Variants in PTPRR observed in about 807,000 individuals in gnomAD.
PTPRR encodes the protein protein tyrosine phosphatase receptor type R.
PTPRR carries 38 observed loss-of-function variants against 77.2 expected under a neutral mutation model. The observed-to-expected ratio is 0.49, with a 90% CI of 0.38 to 0.65. The LOEUF (loss-of-function observed/expected upper bound fraction) is 0.65. Ranked by LOEUF, PTPRR falls within the 30% of genes least tolerant of loss-of-function variation. The probability of loss-of-function intolerance (pLI) is 0.00; values close to 1 mark genes in which losing one functional copy is unlikely to be tolerated. For synonymous variants in PTPRR, 299 were observed against 283.1 expected, an observed-to-expected ratio of 1.06 and a Z score of -0.57; for missense variants, 744 against 799.2, an observed-to-expected ratio of 0.93 and a Z score of 0.83.
In PTPRR at chr12:70,785,963, C is replaced by T. The variant is rs560625623; in HGVS notation, c.358-21185G>A. Among the ~76,000 whole-genome samples, 85 of 152,236 alleles carry T rather than the reference C, an allele frequency of 5.6e-4. 1 individual carries two copies. Among genetic ancestry groups the T allele is most frequent in the African/African-American group, 2.0e-3 (82 of 41,536 alleles). On this transcript the variant is annotated intron_variant, in intron 2 of 13. Coordinates refer to ENST00000283228, the MANE Select transcript of PTPRR (RefSeq NM_002849.4). The stretch of plus-strand genomic sequence containing the variant: ...TGGGATGTTATTTTTCCCAGTTATT[C>T]TTGTTCCTTGTTCTCTTTCAGCCTC...
At position 70,660,840 on chromosome 12, in the gene PTPRR, A is replaced by T. The variant is rs556364394; in HGVS notation, c.1766+100T>A. 166 of 1,195,414 alleles carry T rather than the reference A, an allele frequency of 1.4e-4. No homozygotes were observed. The African/African-American group carries it at 2.2e-3, about 16-fold the overall frequency. 74.1% of individuals were successfully genotyped at this position (1,195,414 alleles called of 1,614,324 possible). A position where few individuals can be genotyped will look rare whatever the true frequency, so the allele number is the denominator to read the frequency against. On this transcript the variant is annotated intron_variant, in intron 12 of 13. Transcript: ENST00000283228. ...AATTTCAATAAATATTTAATTTGCC[A>T]ACAAAGTCACATCCAGGAAGCAAAA...
At chr12:70,874,621 C>T (rs912985226) in intron 2 of PTPRR, among the ~76,000 whole-genome samples, 4 of 152,104 alleles carry the variant, frequency 2.6e-5, no homozygotes, top group African/African-American at 4.8e-5. Flanking sequence ...TTACATATAA[C>T]TTTTGTTAAA....
intron 8 of PTPRR, among the ~76,000 whole-genome samples, chr12:70,687,518 T>A (rs2136744874): frequency 6.6e-6 from 1 of 152,150 alleles, no homozygotes; most frequent in African/African-American, 2.4e-5. Flanking sequence ...TCATGCCATA[T>A]GGAAGCAATG....
intron 2 of PTPRR, among the ~76,000 whole-genome samples, chr12:70,812,644 C>G (rs1891829960): frequency 6.6e-6 from 1 of 152,168 alleles, no homozygotes; most frequent in South Asian, 2.1e-4. Flanking sequence ...TTTCTTTTCC[C>G]TTGGCAATCT....
At chr12:70,704,755 TA>T (rs564570703) in intron 6 of PTPRR, among the ~76,000 whole-genome samples, 261 of 151,920 alleles carry the variant, frequency 1.7e-3, no homozygotes, top group African/African-American at 6.0e-3. Context: ...TTAAGACGTA[TA>T]AAAAAATTGA....
At chr12:70,763,003 A>G (rs1296474528) in intron 3 of PTPRR, among the ~76,000 whole-genome samples, 1 of 152,088 alleles carries the variant, frequency 6.6e-6, no homozygotes, top group Non-Finnish European at 1.5e-5. Flanking sequence ...GTATAAAAGT[A>G]TATCTAAGAT....
intron 13 of PTPRR, among the ~76,000 whole-genome samples, chr12:70,641,379 A>G (rs1256904486): frequency 1.3e-5 from 2 of 151,830 alleles, no homozygotes; most frequent in East Asian, 3.8e-4. Flanking sequence ...TCTGGTCAGC[A>G]CTGGTATTTA....
chr12:70,920,229 T>C, intron 1 of PTPRR, 104 bp downstream of exon 1: 1 of 1,297,978 alleles, frequency 7.7e-7, no homozygotes, highest in Non-Finnish European at 1.1e-6. Flanking sequence ...TTTTACCTTT[T>C]TAGAAAGGCT....
chr12:70,783,122 G>T (rs1592754749), intron 2 of PTPRR, among the ~76,000 whole-genome samples: 2 of 152,248 alleles, frequency 1.3e-5, no homozygotes, highest in Admixed American at 1.3e-4. Flanking sequence ...CTGAGTTCTT[G>T]TCCTGCATTC....
At chr12:70,766,498 G>T (rs1308610429) in intron 2 of PTPRR, among the ~76,000 whole-genome samples, 2 of 152,116 alleles carry the variant, frequency 1.3e-5, no homozygotes, top group African/African-American at 4.8e-5. Context: ...AAGCCTCCAA[G>T]AAATATGGGA....
chr12:70,781,482 G>A (rs982487674), intron 2 of PTPRR, among the ~76,000 whole-genome samples: 2 of 152,208 alleles, frequency 1.3e-5, no homozygotes, highest in Admixed American at 6.5e-5. Flanking sequence ...GGTTCAAGGT[G>A]CATTGGGAGG....
In PTPRR at chr12:70,894,099, A is replaced by G. The variant is rs144547050; in HGVS notation, c.59-1122T>C. On this transcript the variant is annotated intron_variant, in intron 1 of 13. Coordinates refer to ENST00000283228, the MANE Select transcript of PTPRR (RefSeq NM_002849.4). ...CTGTTTTATAACATAGTCCCTAGCA[A>G]TGGTACCCCAGATTTTCACTGGAAA... is the stretch of plus-strand genomic sequence containing the variant. Among the ~76,000 whole-genome samples the G allele has an allele frequency of 3.1e-4, 47 of 151,986 alleles. No individual in the cohort carries two copies. In the East Asian group the frequency reaches 8.7e-3, roughly 28 times the overall value.
At chr12:70,881,281 A>G (rs767109492) in intron 2 of PTPRR, among the ~76,000 whole-genome samples, 35 of 152,198 alleles carry the variant, frequency 2.3e-4, no homozygotes, top group Non-Finnish European at 4.6e-4. Context: ...GGAGCATGAA[A>G]TAATTAAGGG....
At chr12:70,901,183 G>A (rs1281231515) in intron 1 of PTPRR, among the ~76,000 whole-genome samples, 1 of 151,392 alleles carries the variant, frequency 6.6e-6, no homozygotes, top group African/African-American at 2.4e-5. Context: ...GTCATTATGG[G>A]AAATGGTATG....
intron 6 of PTPRR, among the ~76,000 whole-genome samples, chr12:70,710,227 G>C (rs930723064): frequency 6.6e-6 from 1 of 152,080 alleles, no homozygotes; most frequent in Admixed American, 6.6e-5. Flanking sequence ...GAACAGAATA[G>C]AGATGCCAGA....
intron 2 of PTPRR, among the ~76,000 whole-genome samples, chr12:70,789,171 G>T (rs1001413940): frequency 6.6e-6 from 1 of 151,972 alleles, no homozygotes; most frequent in Non-Finnish European, 1.5e-5. Context: ...CATGAGGAAT[G>T]TTTTTATCTT....
At chr12:70,733,480 AAGAAAAAAAAAGAAAAAAAAAG>A (rs1565672456) in intron 6 of PTPRR, among the ~76,000 whole-genome samples, 5 of 85,772 alleles carry the variant, frequency 5.8e-5, no homozygotes, top group Non-Finnish European at 1.1e-4. Context: ...CAAAAAAAAA[AAGAAAAAAAAAGAAAAAAAAAG>A]ATTTCACCTT....
intron 6 of PTPRR, among the ~76,000 whole-genome samples, chr12:70,718,156 T>C (rs748774236): frequency 6.6e-6 from 1 of 152,234 alleles, no homozygotes; most frequent in Non-Finnish European, 1.5e-5. Context: ...TTTTATAGAA[T>C]TGGAATTGCT....
At chr12:70,684,064 C>T in intron 10 of PTPRR, 63 bp downstream of exon 10, 3 of 1,538,294 alleles carry the variant, frequency 2.0e-6, no homozygotes, top group Non-Finnish European at 2.6e-6. Flanking sequence ...ATTTTACTAA[C>T]ACAGTATCTC....
Sources: allele counts gnomAD v4.1 joint callset (sites outside exome capture counted in the v4.1 genomes callset), GRCh38; gene constraint gnomAD v4.1.1; transcripts MANE v1.5; gene names NCBI Gene and HGNC (gene_info 2026-07-23, HGNC 2026-07-21).